ZNF804B: variants seen among roughly 807,000 people sequenced by gnomAD.
The protein encoded by ZNF804B is zinc finger 804B.
Under a neutral mutation model 101.4 loss-of-function variants are expected in ZNF804B, and 80 were observed. That is an observed-to-expected ratio of 0.79 (90% CI 0.66 to 0.95). The LOEUF (loss-of-function observed/expected upper bound fraction) is 0.95, where lower values mean the gene tolerates loss of function less well. ZNF804B is among the 40% of genes least tolerant of loss of function. The probability of loss-of-function intolerance (pLI) is 0.00; values close to 1 mark genes in which losing one functional copy is unlikely to be tolerated. For missense variants in ZNF804B, 1,673 were observed against 1,561.9 expected, an observed-to-expected ratio of 1.07 and a Z score of -1.20; for synonymous variants, 622 against 558.8, an observed-to-expected ratio of 1.11 and a Z score of -1.59.
chr7:88,778,146 C>T (rs1790173141), intron 1 of ZNF804B, among the ~76,000 whole-genome samples: 1 of 152,098 alleles, frequency 6.6e-6, no homozygotes, highest in African/African-American at 2.4e-5. Flanking sequence ...GGTATTCTCT[C>T]AAAAGAGAAT....
At chr7:89,223,692 A>C (rs1001044662) in intron 2 of ZNF804B, among the ~76,000 whole-genome samples, 2 of 151,660 alleles carry the variant, frequency 1.3e-5, no homozygotes, top group Non-Finnish European at 2.9e-5. Flanking sequence ...CCAAAAAAAA[A>C]ATTAAGATAT....
At chr7:88,959,525 C>T (rs1225287223) in intron 1 of ZNF804B, among the ~76,000 whole-genome samples, 1 of 151,268 alleles carries the variant, frequency 6.6e-6, no homozygotes, top group South Asian at 2.1e-4. Flanking sequence ...TGGCTGGAAC[C>T]TTTATTCTAC....
chr7:88,930,345 A>T (rs1035175113), intron 1 of ZNF804B, among the ~76,000 whole-genome samples: 4 of 151,968 alleles, frequency 2.6e-5, no homozygotes, highest in Admixed American at 1.3e-4. Context: ...AGAAATGAAA[A>T]GTGTTTCTGT....
intron 1 of ZNF804B, among the ~76,000 whole-genome samples, chr7:89,206,098 T>G (rs965371824): frequency 2.6e-5 from 4 of 152,216 alleles, no homozygotes; most frequent in Non-Finnish European, 5.9e-5. Context: ...TTTGTCCACT[T>G]TTAGCCATGG....
At chr7:88,961,579 T>G (rs1390756866) in intron 1 of ZNF804B, among the ~76,000 whole-genome samples, 1 of 151,410 alleles carries the variant, frequency 6.6e-6, no homozygotes, top group Non-Finnish European at 1.5e-5. Context: ...AAGCACTGGT[T>G]TGTAAAGTAC....
chr7:89,281,794 T>C (rs1308876094), intron 2 of ZNF804B, among the ~76,000 whole-genome samples: 1 of 152,182 alleles, frequency 6.6e-6, no homozygotes, highest in Non-Finnish European at 1.5e-5. Context: ...ATAGTATTAA[T>C]GGGCTCTGGA....
intron 2 of ZNF804B, among the ~76,000 whole-genome samples, chr7:89,276,885 T>G (rs1364068861): frequency 2.0e-5 from 3 of 151,908 alleles, no homozygotes; most frequent in African/African-American, 4.8e-5. Flanking sequence ...GACAGTATAC[T>G]GTATATCACC....
intron 1 of ZNF804B, among the ~76,000 whole-genome samples, chr7:88,979,029 C>A (rs1221096364): frequency 6.6e-6 from 1 of 151,844 alleles, no homozygotes; most frequent in African/African-American, 2.4e-5. Context: ...ATTGCAAAAA[C>A]AAACAAAAGA....
intron 1 of ZNF804B, among the ~76,000 whole-genome samples, chr7:89,184,116 G>A (rs1466036939): frequency 2.6e-5 from 4 of 152,116 alleles, no homozygotes; most frequent in African/African-American, 7.2e-5. Flanking sequence ...GATGTAAGGA[G>A]CCCTTAGAGA....
At chr7:89,145,500 G>T (rs1409432011) in intron 1 of ZNF804B, among the ~76,000 whole-genome samples, 4 of 152,016 alleles carry the variant, frequency 2.6e-5, no homozygotes, top group Non-Finnish European at 2.9e-5. Flanking sequence ...GTCCAGTACT[G>T]TGCTAGGCAA....
intron 1 of ZNF804B, among the ~76,000 whole-genome samples, chr7:88,962,915 G>C (rs187221328): frequency 9.8e-4 from 148 of 150,482 alleles, no homozygotes; most frequent in Non-Finnish European, 1.4e-3. Context: ...TTTTTATAAT[G>C]TATTTTCATA....
intron 1 of ZNF804B, among the ~76,000 whole-genome samples, chr7:89,082,461 T>C (rs1189485574): frequency 6.6e-6 from 1 of 151,690 alleles, no homozygotes; most frequent in Non-Finnish European, 1.5e-5. Flanking sequence ...ATTTAAATTT[T>C]CCATTTAAAT....
At chr7:88,997,231 A>G (rs908430116) in intron 1 of ZNF804B, among the ~76,000 whole-genome samples, 1 of 151,842 alleles carries the variant, frequency 6.6e-6, no homozygotes, top group Admixed American at 6.6e-5. Context: ...TTTTTTTTAG[A>G]GTTTGTTGTC....
intron 1 of ZNF804B, among the ~76,000 whole-genome samples, chr7:88,861,229 C>T (rs1194116885): frequency 1.3e-5 from 2 of 152,138 alleles, no homozygotes; most frequent in Admixed American, 1.3e-4. Context: ...GGGCTTATAA[C>T]ATTAATGGCT....
At chr7:89,139,473 C>A (rs954971603) in intron 1 of ZNF804B, among the ~76,000 whole-genome samples, 4 of 152,104 alleles carry the variant, frequency 2.6e-5, no homozygotes, top group Non-Finnish European at 1.5e-5. Context: ...TCATCCACAG[C>A]AGAACACCTT....
rs1789868607 is a variant in ZNF804B at position 88,760,016 on chromosome 7, A to G, written c.40A>G (p.Asn14Asp). 6 of 1,614,176 alleles carry G rather than the reference A, an allele frequency of 3.7e-6. No individual in the cohort carries two copies. Among genetic ancestry groups the G allele is most frequent in the Non-Finnish European group, 5.1e-6 (6 of 1,180,026 alleles). ...GGTCATCAGTTCGAGACATCTCAGC[A>G]ATGGGCACTACCGGGGCATTAAAGG... ...YLVISSRHLS[N>D]GHYRGIKGVF... Residue 14 changes from asparagine to aspartate, a missense_variant, in exon 1 of 4, where the codon AAT becomes GAT. Physicochemically the swap from Asn to Asp is conservative, Grantham distance 23 (BLOSUM62 1). Coordinates refer to ENST00000333190, the MANE Select transcript of ZNF804B (RefSeq NM_181646.5).
rs1370372705 is a variant in ZNF804B, at chr7:88,954,172, GT to G, written c.108+194092del. Among the ~76,000 whole-genome samples, 3 of 151,660 alleles carry G rather than the reference GT, an allele frequency of 2.0e-5. No homozygotes were observed. In the East Asian group the frequency reaches 5.9e-4, roughly 30 times the overall value. ...GAAATTCTTGGATACAATTTTTTGAGTTTTCAGTTTTTTTTAATTTAACTGC... is the reference window on the plus strand; with the variant it reads ...GAAATTCTTGGATACAATTTTTTGAGTTTCAGTTTTTTTTAATTTAACTGC... On this transcript the variant is annotated intron_variant, in intron 1 of 3. Coordinates refer to ENST00000333190, the MANE Select transcript of ZNF804B (RefSeq NM_181646.5).
In ZNF804B at chr7:88,772,038, A is replaced by G. The variant is rs182888692; in HGVS notation, c.108+11954A>G. On this transcript the variant is annotated intron_variant, in intron 1 of 3. Coordinates refer to ENST00000333190, the MANE Select transcript of ZNF804B (RefSeq NM_181646.5). ...TACAAATTTTTGTCACTATGGAAGC[A>G]GGGTTATTGCCAAGAAGATTGTAGA... Among the ~76,000 whole-genome samples, 61 of 152,320 alleles carry G rather than the reference A, an allele frequency of 4.0e-4. 1 individual carries two copies. The highest frequency in any genetic ancestry group is 4.0e-3 in the Admixed American group (61 of 15,288).
At chr7:88,789,070 A>G (rs1000750972) in intron 1 of ZNF804B, among the ~76,000 whole-genome samples, 5 of 152,182 alleles carry the variant, frequency 3.3e-5, no homozygotes, top group East Asian at 3.8e-4. Flanking sequence ...GTATTTTAAT[A>G]AATCCAAAGT....
Sources: gnomAD v4.1 joint callset for allele counts (sites outside exome capture counted in the v4.1 genomes callset) on GRCh38, gnomAD v4.1.1 for gene constraint, MANE v1.5 for transcripts, NCBI Gene and HGNC (gene_info 2026-07-23, HGNC 2026-07-21) for gene names.